GALNT1: variants seen among roughly 807,000 people sequenced by gnomAD.
GALNT1 encodes GalNAc transferase 1.
Under a neutral mutation model 65.7 loss-of-function variants are expected in GALNT1, and 17 were observed. That is an observed-to-expected ratio of 0.26 (90% CI 0.18 to 0.39). GALNT1 has a LOEUF of 0.39. Ranked by LOEUF, GALNT1 falls within the 10% of genes least tolerant of loss-of-function variation. The probability of loss-of-function intolerance (pLI) is 1.00; values close to 1 mark genes in which losing one functional copy is unlikely to be tolerated. For synonymous variants in GALNT1, 210 were observed against 219.7 expected (o/e 0.96, Z 0.39); for missense variants, 460 against 672.8 (o/e 0.68, Z 3.50).
chr18:35,627,388 T>C (rs888290786), intron 1 of GALNT1: 1 of 152,190 alleles, frequency 6.6e-6, no homozygotes, highest in Middle Eastern at 3.2e-3. Context: ...AGAATAGAGT[T>C]ATTCTAAAAT....
In GALNT1 at chr18:35,667,374, G is replaced by C. The variant is rs562719762; in HGVS notation, c.314+3572G>C. On this transcript the variant is annotated intron_variant, in intron 3 of 11. Coordinates refer to ENST00000269195, the MANE Select transcript of GALNT1 (RefSeq NM_020474.4). ...GTGAACAACCAAAGAAGTAAGATTA[G>C]AAGCATATTCTCCAGCCCCAAGCAA... 5.3e-5 allele frequency among the ~76,000 whole-genome samples: 8 copies of C among 152,210 alleles called. No homozygotes were observed. In the South Asian group the frequency reaches 8.3e-4, roughly 16 times the overall value.
At chr18:35,659,453 A>C (rs1320695360) in intron 2 of GALNT1, among the ~76,000 whole-genome samples, 3 of 152,222 alleles carry the variant, frequency 2.0e-5, no homozygotes, top group African/African-American at 7.2e-5. Context: ...TGAAAATAGC[A>C]GAGTTCTGCT....
intron 8 of GALNT1, 114 bp from the exon 9 acceptor site, chr18:35,692,067 T>C: frequency 2.4e-6 from 2 of 846,642 alleles, no homozygotes; most frequent in Non-Finnish European, 3.7e-6. Flanking sequence ...TATAGTCACA[T>C]ATCACCCAGC....
At chr18:35,583,541 T>C (rs2046347970) in intron 1 of GALNT1, among the ~76,000 whole-genome samples, 1 of 152,194 alleles carries the variant, frequency 6.6e-6, no homozygotes, top group Admixed American at 6.5e-5. Context: ...CTGAAGACTT[T>C]ACAGTGCCTG....
intron 4 of GALNT1, 94 bp from the exon 5 acceptor site, chr18:35,683,286 TGTTCAGTAAGG>T: frequency 1.2e-6 from 1 of 809,086 alleles, no homozygotes; most frequent in East Asian, 2.7e-5. Flanking sequence ...TCACTGAGAG[TGTTCAGTAAGG>T]GTATGTTGAA....
At chr18:35,686,922 T>A (rs2047877243) in intron 5 of GALNT1, 94 bp from the exon 6 acceptor site, 1 of 1,251,554 alleles carries the variant, frequency 8.0e-7, no homozygotes, top group East Asian at 2.5e-5. Flanking sequence ...AGGGAAAAAA[T>A]AAAAAATAAA....
chr18:35,618,517 G>A (rs1042342577), intron 1 of GALNT1, among the ~76,000 whole-genome samples: 1 of 152,114 alleles, frequency 6.6e-6, no homozygotes. Flanking sequence ...ACTGTTTAGT[G>A]TATTTAAAAG....
At chr18:35,679,331 T>C (rs1301209372) in intron 4 of GALNT1, among the ~76,000 whole-genome samples, 5 of 152,234 alleles carry the variant, frequency 3.3e-5, no homozygotes, top group African/African-American at 1.2e-4. Flanking sequence ...TATTTTTTCA[T>C]TTCCTCCTTT....
chr18:35,683,366 A>G, intron 4 of GALNT1, 25 bp from the exon 5 acceptor site: 3 of 1,587,122 alleles, frequency 1.9e-6, no homozygotes, highest in Non-Finnish European at 2.6e-6. Context: ...ACTGGTTTGC[A>G]TGTTTTCTTT....
At chr18:35,664,124 T>G in intron 3 of GALNT1, 1 of 314,056 alleles carries the variant, frequency 3.2e-6, no homozygotes, top group Non-Finnish European at 6.0e-6. Flanking sequence ...CTTGAAACAG[T>G]GAAATACACA....
Position 35,660,848 on chromosome 18 carries a change from A to G in GALNT1, c.140-2780A>G, listed in dbSNP as rs553901257. Among the ~76,000 whole-genome samples, 100 of 152,318 alleles carry G rather than the reference A, an allele frequency of 6.6e-4. 1 individual carries two copies. The highest frequency in any genetic ancestry group is 2.0e-3 in the African/African-American group (82 of 41,570). ...ATTAGAGTATTGTGGTGCATTCTCTAAATCATTCAGTAGACATGTAACTTT... is the reference window on the plus strand; with the variant it reads ...ATTAGAGTATTGTGGTGCATTCTCTGAATCATTCAGTAGACATGTAACTTT... On this transcript the variant is annotated intron_variant, in intron 2 of 11. Coordinates refer to ENST00000269195, the MANE Select transcript of GALNT1 (RefSeq NM_020474.4).
intron 4 of GALNT1, among the ~76,000 whole-genome samples, chr18:35,682,607 C>T (rs1303872653): frequency 6.6e-6 from 1 of 152,046 alleles, no homozygotes; most frequent in Non-Finnish European, 1.5e-5. Context: ...TGCACCTTTT[C>T]TGCTTTTTAA....
intron 1 of GALNT1, among the ~76,000 whole-genome samples, chr18:35,648,787 A>G (rs185061196): frequency 2.8e-4 from 42 of 152,332 alleles, no homozygotes; most frequent in Non-Finnish European, 5.3e-4. Flanking sequence ...TTTTAGGTTC[A>G]GTTGTATAAG....
intron 5 of GALNT1, among the ~76,000 whole-genome samples, chr18:35,685,904 T>TA (rs1283879466): frequency 6.6e-6 from 1 of 151,966 alleles, no homozygotes; most frequent in African/African-American, 2.4e-5. Flanking sequence ...CCAGCTCTAC[T>TA]AAAAATACAA....
rs778648249 is a variant in GALNT1 at position 35,689,257 on chromosome 18, T to C, written c.945T>C (p.Ile315=). ...GAACATATGATGCTGGAATGGATAT[T>C]TGGGGAGGAGAAAACCTAGAAATTT... ...EIGTYDAGMD[I]WGGENLEISF... The change falls in exon 7 of 12, where the codon ATT becomes ATC. Residue 315 remains isoleucine, a synonymous_variant. Transcript: ENST00000269195. The C allele has an allele frequency of 2.5e-6, 4 of 1,608,466 alleles. No individual in the cohort carries two copies. Among genetic ancestry groups the C allele is most frequent in the South Asian group, 2.2e-5 (2 of 89,138 alleles).
chr18:35,668,614 G>A (rs2047582869), intron 3 of GALNT1, among the ~76,000 whole-genome samples: 1 of 152,112 alleles, frequency 6.6e-6, no homozygotes, highest in African/African-American at 2.4e-5. Context: ...CCAGGGTCCG[G>A]TGGCAGGGGA....
chr18:35,604,411 G>T (rs2046621663), intron 1 of GALNT1, among the ~76,000 whole-genome samples: 1 of 152,074 alleles, frequency 6.6e-6, no homozygotes, highest in African/African-American at 2.4e-5. Context: ...ATGGTAGAAT[G>T]ATTTATATTC....
chr18:35,640,999 T>G (rs533727687), intron 1 of GALNT1, among the ~76,000 whole-genome samples: 13 of 152,362 alleles, frequency 8.5e-5, no homozygotes, highest in African/African-American at 3.1e-4. Context: ...ATGCTACTTT[T>G]TTTGTTTTAG....
chr18:35,705,034 T>C (rs1260778598), intron 11 of GALNT1, among the ~76,000 whole-genome samples: 1 of 152,252 alleles, frequency 6.6e-6, no homozygotes, highest in African/African-American at 2.4e-5. Context: ...GTTCCTTTTG[T>C]TGGCCTGGCT....
Sources: allele counts gnomAD v4.1 joint callset (sites outside exome capture counted in the v4.1 genomes callset), GRCh38; gene constraint gnomAD v4.1.1; transcripts MANE v1.5; gene names NCBI Gene and HGNC (gene_info 2026-07-23, HGNC 2026-07-21).